Variants in UNC13C observed in about 807,000 individuals in gnomAD.
UNC13C encodes protein unc-13 homolog C.
In UNC13C, 174 loss-of-function variants were observed where a neutral mutation model predicts 245.4. The ratio of observed to expected loss-of-function variants is 0.71; its 90% CI spans 0.63 to 0.80. The LOEUF is 0.80. Ranked by LOEUF, UNC13C falls within the 30% of genes least tolerant of loss-of-function variation. The pLI is 0.00. For missense variants in UNC13C, 2,829 were observed against 2,602.9 expected (o/e 1.09, Z -1.89); for synonymous variants, 992 against 895.1 (o/e 1.11, Z -1.93).
At chr15:53,901,780 G>A in the UNC13C span, among the ~76,000 whole-genome samples, 3 of 152,150 alleles carry the variant, frequency 2.0e-5, no homozygotes, top group Non-Finnish European at 2.9e-5. Flanking sequence ...ATTTGAGAGT[G>A]TATGTTTACT....
chr15:53,923,081 G>A, the UNC13C span, among the ~76,000 whole-genome samples: 1 of 152,172 alleles, frequency 6.6e-6, no homozygotes, highest in Admixed American at 6.5e-5. Context: ...TTATATGTTT[G>A]TTAATTTCAA....
intron 30 of UNC13C, among the ~76,000 whole-genome samples, chr15:54,596,455 C>A (rs1012073805): frequency 2.0e-5 from 3 of 151,962 alleles, no homozygotes; most frequent in African/African-American, 7.3e-5. Context: ...ACTGTAAGTC[C>A]CAGGCTTGCT....
intron 16 of UNC13C, among the ~76,000 whole-genome samples, chr15:54,337,150 G>T (rs1486994354): frequency 6.6e-6 from 1 of 152,096 alleles, no homozygotes; most frequent in African/African-American, 2.4e-5. Context: ...GCTCTTTTGG[G>T]AGCAGGGTGG....
intron 4 of UNC13C, among the ~76,000 whole-genome samples, chr15:54,191,687 A>G (rs541609239): frequency 6.6e-6 from 1 of 152,078 alleles, no homozygotes; most frequent in Non-Finnish European, 1.5e-5. Context: ...AAGCGTTCCT[A>G]TTTCACCACA....
rs1457010156 is a variant in UNC13C, at chr15:54,143,627, T to A, written c.3014T>A (p.Ile1005Lys). 1 of 1,613,028 alleles carries A rather than the reference T, an allele frequency of 6.2e-7. No homozygotes were observed. Among genetic ancestry groups the A allele is most frequent in the African/African-American group, 1.3e-5 (1 of 74,906 alleles). ...DSSSVDEKARIVSGNDLDASK... is the reference protein window; with the variant it reads ...DSSSVDEKARKVSGNDLDASK... The stretch of plus-strand genomic sequence containing the variant: ...TCTTACTCTTCATTTAAGGCTCGAA[T>A]AGTAAGTGGCAATGATTTGGATGCT... The change falls in exon 4 of 33, where the codon ATA (isoleucine) becomes AAA (lysine). Residue 1005 changes from isoleucine to lysine, a missense_variant. Ile to Lys is a moderately radical substitution (Grantham distance 102). Coordinates refer to ENST00000260323, the MANE Select transcript of UNC13C (RefSeq NM_001080534.3).
At chr15:54,473,528 CTT>C (rs1459274038) in intron 19 of UNC13C, among the ~76,000 whole-genome samples, 1 of 151,784 alleles carries the variant, frequency 6.6e-6, no homozygotes, top group African/African-American at 2.4e-5. Flanking sequence ...TTCTCAGCCT[CTT>C]ATAACTATCA....
chr15:53,963,737 C>T, the UNC13C span, among the ~76,000 whole-genome samples: 1 of 152,126 alleles, frequency 6.6e-6, no homozygotes, highest in Non-Finnish European at 1.5e-5. Context: ...TCAAGGAAGA[C>T]ATGCATATTT....
intron 19 of UNC13C, among the ~76,000 whole-genome samples, chr15:54,416,676 C>G (rs2040528299): frequency 6.6e-6 from 1 of 152,106 alleles, no homozygotes; most frequent in African/African-American, 2.4e-5. Context: ...AGAGCGTTCA[C>G]TACCCTAGGC....
intron 2 of UNC13C, among the ~76,000 whole-genome samples, chr15:54,022,465 A>G (rs1466410913): frequency 6.6e-6 from 1 of 152,074 alleles, no homozygotes; most frequent in East Asian, 1.9e-4. Flanking sequence ...AAGCCACCCC[A>G]GCCCAGCCTC....
intron 24 of UNC13C, among the ~76,000 whole-genome samples, chr15:54,520,825 C>T (rs537691099): frequency 2.4e-4 from 36 of 152,230 alleles, no homozygotes; most frequent in African/African-American, 8.2e-4. Context: ...TTGCAGAGAA[C>T]TAATGAATGT....
At chr15:54,370,453 G>T (rs1222352086) in intron 17 of UNC13C, among the ~76,000 whole-genome samples, 1 of 152,046 alleles carries the variant, frequency 6.6e-6, no homozygotes, top group East Asian at 1.9e-4. Context: ...GGAAAACCAA[G>T]ACTTGCAATC....
At chr15:54,392,338 T>C (rs2140915670) in intron 17 of UNC13C, among the ~76,000 whole-genome samples, 1 of 152,172 alleles carries the variant, frequency 6.6e-6, no homozygotes, top group Middle Eastern at 3.4e-3. Context: ...TATGTCACAT[T>C]CTGCTTTCTA....
At chr15:54,605,423 C>G (rs1899715317) in intron 30 of UNC13C, among the ~76,000 whole-genome samples, 1 of 152,192 alleles carries the variant, frequency 6.6e-6, no homozygotes, top group African/African-American at 2.4e-5. Flanking sequence ...TATCCTTCCA[C>G]AAGCTTAGAA....
At chr15:54,590,690 T>C (rs1414070085) in intron 30 of UNC13C, among the ~76,000 whole-genome samples, 1 of 152,240 alleles carries the variant, frequency 6.6e-6, no homozygotes, top group Non-Finnish European at 1.5e-5. Flanking sequence ...ATGCGCTTTC[T>C]GGAGGAGTCC....
Position 54,013,692 on chromosome 15 carries a change from A to G in UNC13C, c.789A>G (p.Leu263=), listed in dbSNP as rs1310361049. The G allele has an allele frequency of 6.2e-7, 1 of 1,613,794 alleles. No homozygotes were observed. Among genetic ancestry groups the G allele is most frequent in the South Asian group, 1.1e-5 (1 of 91,062 alleles). Residue 263 remains leucine, a synonymous_variant, in exon 2 of 33, where the codon CTA becomes CTG. Coordinates refer to ENST00000260323, the MANE Select transcript of UNC13C (RefSeq NM_001080534.3). ...ISQIETELSE[L]RGHVNALKHS... ...AGATTGAAACAGAACTTTCTGAACTACGAGGGCACGTCAATGCTCTCAAGC... is the reference window on the plus strand; with the variant it reads ...AGATTGAAACAGAACTTTCTGAACTGCGAGGGCACGTCAATGCTCTCAAGC...
intron 17 of UNC13C, among the ~76,000 whole-genome samples, chr15:54,390,495 T>C (rs1044291119): frequency 6.6e-6 from 1 of 152,124 alleles, no homozygotes; most frequent in Non-Finnish European, 1.5e-5. Flanking sequence ...TTCAATAATC[T>C]ATTAACAAAA....
intron 2 of UNC13C, among the ~76,000 whole-genome samples, chr15:54,118,356 T>C (rs188336914): frequency 2.6e-4 from 40 of 152,252 alleles, no homozygotes; most frequent in African/African-American, 7.2e-5. Flanking sequence ...TTTTCTTGTA[T>C]AGATATTTTA....
intron 17 of UNC13C, among the ~76,000 whole-genome samples, chr15:54,381,156 T>C (rs1482695870): frequency 6.6e-6 from 1 of 152,182 alleles, no homozygotes. Context: ...AATAAGGGTA[T>C]AATTTTATTC....
At chr15:54,164,992 A>G (rs903698028) in intron 4 of UNC13C, among the ~76,000 whole-genome samples, 1 of 152,206 alleles carries the variant, frequency 6.6e-6, no homozygotes, top group African/African-American at 2.4e-5. Flanking sequence ...TCCTATATCC[A>G]GAGGTAAGTA....
Sources: allele counts gnomAD v4.1 joint callset (sites outside exome capture counted in the v4.1 genomes callset), GRCh38; gene constraint gnomAD v4.1.1; transcripts MANE v1.5; gene names NCBI Gene and HGNC (gene_info 2026-07-23, HGNC 2026-07-21).